PSMA3: variants seen among roughly 807,000 people sequenced by gnomAD.
PSMA3 encodes the protein proteasome subunit alpha type-3.
PSMA3 carries 8 observed loss-of-function variants against 40.0 expected under a neutral mutation model. The observed-to-expected ratio is 0.20, with a 90% CI of 0.12 to 0.36. The LOEUF (loss-of-function observed/expected upper bound fraction) is 0.36, where lower values mean the gene tolerates loss of function less well. PSMA3 is among the 10% of genes least tolerant of loss of function. The pLI is 1.00. For missense variants in PSMA3, 219 were observed against 310.6 expected (o/e 0.70, Z 2.22); for synonymous variants, 110 against 100.0 (o/e 1.10, Z -0.59).
chr14:58,270,373 T>C, intron 8 of PSMA3, 45 bp from the exon 9 acceptor site: 2 of 1,607,892 alleles, frequency 1.2e-6, no homozygotes, highest in Non-Finnish European at 1.7e-6. Flanking sequence ...ACTACTTCAA[T>C]GTTTGGAGGT....
chr14:58,252,038 T>G, intron 2 of PSMA3, 81 bp from the exon 3 acceptor site: 8 of 1,430,100 alleles, frequency 5.6e-6, no homozygotes, highest in Non-Finnish European at 6.6e-6. Context: ...ATGTTACTTA[T>G]TTTGTTTTTT....
intron 7 of PSMA3, among the ~76,000 whole-genome samples, 173 bp downstream of exon 7, chr14:58,263,943 A>G (rs1038134046): frequency 1.3e-5 from 2 of 152,214 alleles, no homozygotes; most frequent in Non-Finnish European, 2.9e-5. Context: ...AAATCTCATC[A>G]TGTGTTAAGA....
At chr14:58,258,266 T>C in intron 5 of PSMA3, 1 of 332,096 alleles carries the variant, frequency 3.0e-6, no homozygotes, top group Non-Finnish European at 5.6e-6. Flanking sequence ...AGTGAGAACC[T>C]ATCTCTACAA....
At chr14:58,263,334 T>TA (rs1890336351) in intron 6 of PSMA3, among the ~76,000 whole-genome samples, 1 of 152,196 alleles carries the variant, frequency 6.6e-6, no homozygotes, top group African/African-American at 2.4e-5. Flanking sequence ...ATTGGGGGTT[T>TA]AGAGTACTGA....
At chr14:58,265,166 G>GA (rs1373355784) in intron 7 of PSMA3, 1 of 152,272 alleles carries the variant, frequency 6.6e-6, no homozygotes. Context: ...GCTGAGGCAG[G>GA]AGGACTGTTT....
rs1415895828 is a variant in PSMA3 at position 58,244,894 on chromosome 14, C to T, written c.-27C>T. 8 of 1,614,048 alleles carry T rather than the reference C, an allele frequency of 5.0e-6. No individual in the cohort carries two copies. Among genetic ancestry groups the T allele is most frequent in the Middle Eastern group, 1.6e-4 (1 of 6,084 alleles). On this transcript the variant is annotated 5_prime_UTR_variant, in exon 1 of 11. Transcript: ENST00000216455. Reference sequence around the variant, plus strand: ...GGGGAAGCGCTCCGGGCCTGGAATCCCTACGCGTCCCTTTGGGTTTAGCAC... The same window carrying T: ...GGGGAAGCGCTCCGGGCCTGGAATCTCTACGCGTCCCTTTGGGTTTAGCAC...
intron 2 of PSMA3, among the ~76,000 whole-genome samples, chr14:58,249,733 T>C (rs944832944): frequency 6.6e-6 from 1 of 152,070 alleles, no homozygotes; most frequent in Admixed American, 6.6e-5. Context: ...CTCAAACTCC[T>C]GAGCCCAAGT....
At chr14:58,271,327 C>CTTTTTTTT (rs60528514) in intron 10 of PSMA3, among the ~76,000 whole-genome samples, 5 of 102,396 alleles carry the variant, frequency 4.9e-5, no homozygotes, top group African/African-American at 7.6e-5. Context: ...AATATTTGTT[C>CTTTTTTTT]TTTTTTTTTT....
At position 58,263,111 on chromosome 14, in the gene PSMA3, T is replaced by C. The variant is rs1222963864; in HGVS notation, c.478-594T>C. Among the ~76,000 whole-genome samples, 3 of 151,394 alleles carry C rather than the reference T, an allele frequency of 2.0e-5. No individual in the cohort carries two copies. The East Asian group carries it at 5.8e-4, about 29-fold the overall frequency. On this transcript the variant is annotated intron_variant, in intron 6 of 10. Coordinates refer to ENST00000216455, the MANE Select transcript of PSMA3 (RefSeq NM_002788.4). ...GATTCTCCTGCCTCAGCCTCTGGAG[T>C]AGCTGGCATTACAGGCACCTGCCAC...
At chr14:58,257,654 T>C (rs1890175391) in intron 3 of PSMA3, 91 bp from the exon 4 acceptor site, 2 of 1,184,470 alleles carry the variant, frequency 1.7e-6, no homozygotes, top group Non-Finnish European at 1.2e-6. Flanking sequence ...GTAATACTTG[T>C]TAAAAAAATG....
At chr14:58,255,625 CG>C (rs1890125905) in intron 3 of PSMA3, among the ~76,000 whole-genome samples, 1 of 152,074 alleles carries the variant, frequency 6.6e-6, no homozygotes. Flanking sequence ...AAAAATTAGC[CG>C]GGCGTGGTGG....
At chr14:58,250,853 GAAATTAT>G (rs1338649303) in intron 2 of PSMA3, among the ~76,000 whole-genome samples, 1 of 152,174 alleles carries the variant, frequency 6.6e-6, no homozygotes, top group African/African-American at 2.4e-5. Context: ...ATCTAGGCCT[GAAATTAT>G]AAGGATCCCA....
chr14:58,271,744 A>G, intron 10 of PSMA3, 107 bp from the exon 11 acceptor site: 1 of 746,774 alleles, frequency 1.3e-6, no homozygotes, highest in Non-Finnish European at 2.3e-6. Context: ...AGTTACAAGT[A>G]GAGGAATTTA....
intron 6 of PSMA3, among the ~76,000 whole-genome samples, chr14:58,261,575 A>T (rs540689579): frequency 1.3e-5 from 2 of 151,994 alleles, no homozygotes; most frequent in South Asian, 4.1e-4. Flanking sequence ...AGTATTTTGA[A>T]TATGTGATTT....
At chr14:58,261,480 T>C (rs1300821420) in intron 6 of PSMA3, among the ~76,000 whole-genome samples, 1 of 152,194 alleles carries the variant, frequency 6.6e-6, no homozygotes, top group Admixed American at 6.5e-5. Context: ...GGCCCAGCCA[T>C]GTTTTCTTAT....
At chr14:58,249,256 G>A (rs1055182238) in intron 2 of PSMA3, among the ~76,000 whole-genome samples, 7 of 151,748 alleles carry the variant, frequency 4.6e-5, no homozygotes, top group African/African-American at 9.7e-5. Flanking sequence ...CACGGCGCCC[G>A]GCCTAAAAGT....
At chr14:58,260,363 G>C (rs778510780) in intron 5 of PSMA3, among the ~76,000 whole-genome samples, 1 of 152,136 alleles carries the variant, frequency 6.6e-6, no homozygotes, top group Non-Finnish European at 1.5e-5. Context: ...AATGTTTTTT[G>C]AAAGTTTTCT....
rs141534702 is a variant in PSMA3, at chr14:58,268,407, T to C, written c.590+887T>C. ...AATTCCAATGGGCTCTATTGTTTAATAAACATACTATTTACATCACACTCA... is the reference window on the plus strand; with the variant it reads ...AATTCCAATGGGCTCTATTGTTTAACAAACATACTATTTACATCACACTCA... On this transcript the variant is annotated intron_variant, in intron 8 of 10. Transcript: ENST00000216455. Among the ~76,000 whole-genome samples the C allele has an allele frequency of 8.0e-3, 1,219 of 152,292 alleles. 13 individuals carry two copies. Among genetic ancestry groups the C allele is most frequent in the Non-Finnish European group, 0.013 (903 of 68,028 alleles).
intron 2 of PSMA3, among the ~76,000 whole-genome samples, chr14:58,248,483 G>A (rs1889927761): frequency 6.6e-6 from 1 of 151,602 alleles, no homozygotes; most frequent in Admixed American, 6.6e-5. Flanking sequence ...GCTCACCTCG[G>A]ACTCCCAGAG....
Sources: allele counts gnomAD v4.1 joint callset (sites outside exome capture counted in the v4.1 genomes callset), GRCh38; gene constraint gnomAD v4.1.1; transcripts MANE v1.5; gene names NCBI Gene and HGNC (gene_info 2026-07-23, HGNC 2026-07-21).